The following PDE1A variants were observed in gnomAD, a reference collection of about 807,000 sequenced individuals.
PDE1A encodes phosphodiesterase 1A.
In PDE1A, 35 loss-of-function variants were observed where a neutral mutation model predicts 61.7. The observed-to-expected ratio is 0.57, with a 90% CI of 0.43 to 0.75. The LOEUF is 0.75. Among genes scored for constraint, PDE1A ranks in the 30% least tolerant of loss-of-function variants. PDE1A has a pLI of 0.00. For missense variants in PDE1A, 597 were observed against 630.6 expected, an observed-to-expected ratio of 0.95 and a Z score of 0.57; for synonymous variants, 232 against 213.2, an observed-to-expected ratio of 1.09 and a Z score of -0.77.
At chr2:182,640,740 C>T in the PDE1A span, among the ~76,000 whole-genome samples, 1 of 151,760 alleles carries the variant, frequency 6.6e-6, no homozygotes, top group Non-Finnish European at 1.5e-5. Context: ...AATATGCAGG[C>T]CGGGTGCAGT....
chr2:182,207,552 A>T (rs887074578), intron 7 of PDE1A, among the ~76,000 whole-genome samples: 1 of 152,250 alleles, frequency 6.6e-6, no homozygotes, highest in African/African-American at 2.4e-5. Flanking sequence ...ACTTATATTT[A>T]AAAGAGAAGC....
chr2:182,566,194 T>C, the PDE1A span, among the ~76,000 whole-genome samples: 8,181 of 152,190 alleles, frequency 0.054, 271 homozygotes, highest in Middle Eastern at 0.099. Flanking sequence ...GTCACAACTA[T>C]GTTCTCCCTC....
intron 1 of PDE1A, among the ~76,000 whole-genome samples, chr2:182,423,524 T>C (rs919537577): frequency 1.2e-4 from 19 of 152,190 alleles, no homozygotes; most frequent in Admixed American, 9.2e-4. Context: ...TTAGGATGAC[T>C]GTGCTGATGA....
intron 1 of PDE1A, among the ~76,000 whole-genome samples, chr2:182,385,043 T>C (rs1700948856): frequency 6.6e-6 from 1 of 152,120 alleles, no homozygotes; most frequent in Admixed American, 6.5e-5. Flanking sequence ...AGGGACAAAC[T>C]GTCAACCAAT....
At chr2:182,367,771 A>G (rs1484708488) in intron 1 of PDE1A, among the ~76,000 whole-genome samples, 1 of 152,146 alleles carries the variant, frequency 6.6e-6, no homozygotes, top group African/African-American at 2.4e-5. Flanking sequence ...GCCTTAATAT[A>G]TAATTTTTAA....
rs372726563 is a variant in PDE1A, at chr2:182,404,749, C to T, written c.53+21829G>A. 4.8e-3 allele frequency among the ~76,000 whole-genome samples: 726 copies of T among 152,266 alleles called. 6 individuals carry two copies. The highest frequency in any genetic ancestry group is 0.029 in the South Asian group (140 of 4,816). ...ATATCACTGTCTTCCTCCTCCATAT[C>T]TTGTCCCCATGGAAGTTTTTTGGGG... On this transcript the variant is annotated intron_variant, in intron 1 of 13. Transcript: ENST00000351439.
At chr2:182,387,679 C>A (rs151103255) in intron 1 of PDE1A, among the ~76,000 whole-genome samples, 625 of 151,702 alleles carry the variant, frequency 4.1e-3, no homozygotes, top group Non-Finnish European at 6.4e-3. Flanking sequence ...ATTACTTGAA[C>A]CTGGGAGGTG....
chr2:182,693,193 TAA>T, the PDE1A span, among the ~76,000 whole-genome samples: 1 of 152,170 alleles, frequency 6.6e-6, no homozygotes, highest in African/African-American at 2.4e-5. Flanking sequence ...ATAAAATCAG[TAA>T]AGAGTATAGT....
At chr2:182,610,099 A>AG in the PDE1A span, among the ~76,000 whole-genome samples, 3 of 151,742 alleles carry the variant, frequency 2.0e-5, no homozygotes, top group Admixed American at 1.3e-4. Flanking sequence ...AAAAAAAAAA[A>AG]AAAGAAAGAA....
intron 2 of PDE1A, among the ~76,000 whole-genome samples, chr2:182,435,105 A>G (rs1399719335): frequency 1.3e-5 from 2 of 152,024 alleles, no homozygotes; most frequent in African/African-American, 2.4e-5. Flanking sequence ...AGTGCTGCCC[A>G]TCAAAAAACT....
chr2:182,694,682 T>C, the PDE1A span, among the ~76,000 whole-genome samples: 3 of 152,182 alleles, frequency 2.0e-5, no homozygotes, highest in Non-Finnish European at 2.9e-5. Flanking sequence ...CATGTTCATA[T>C]GCTAAAAACC....
chr2:182,218,168 A>C (rs1347081762), intron 7 of PDE1A, among the ~76,000 whole-genome samples: 1 of 150,124 alleles, frequency 6.7e-6, no homozygotes, highest in Non-Finnish European at 1.5e-5. Context: ...CTATCCCAAG[A>C]ACAAAAAACC....
chr2:182,376,791 G>T (rs940271276), intron 1 of PDE1A, among the ~76,000 whole-genome samples: 8 of 152,132 alleles, frequency 5.3e-5, no homozygotes, highest in Non-Finnish European at 1.2e-4. Flanking sequence ...GTTCCATGTG[G>T]CTGGGGAAGC....
chr2:182,223,800 G>T, intron 7 of PDE1A, 64 bp downstream of exon 7: 2 of 883,660 alleles, frequency 2.3e-6, no homozygotes, highest in Non-Finnish European at 3.5e-6. Flanking sequence ...ATCCTCTTAA[G>T]TGATATGCAG....
At chr2:182,376,504 C>T (rs1700411642) in intron 1 of PDE1A, among the ~76,000 whole-genome samples, 1 of 152,170 alleles carries the variant, frequency 6.6e-6, no homozygotes, top group African/African-American at 2.4e-5. Flanking sequence ...TTTCATTGTC[C>T]ATATTATTAT....
intron 13 of PDE1A, among the ~76,000 whole-genome samples, chr2:182,174,845 T>A (rs772217975): frequency 9.9e-5 from 15 of 152,238 alleles, no homozygotes; most frequent in African/African-American, 3.1e-4. Flanking sequence ...GCTGCACCCA[T>A]CAACCCGTCA....
At chr2:182,188,476 T>C (rs1685427002) in intron 11 of PDE1A, among the ~76,000 whole-genome samples, 1 of 152,224 alleles carries the variant, frequency 6.6e-6, no homozygotes, top group Non-Finnish European at 1.5e-5. Flanking sequence ...CAAATACAGA[T>C]GATAAGAATG....
intron 7 of PDE1A, among the ~76,000 whole-genome samples, chr2:182,221,069 C>T (rs533181387): frequency 2.0e-5 from 3 of 151,900 alleles, no homozygotes; most frequent in East Asian, 1.9e-4. Context: ...TTCTCTGCCC[C>T]CATCTACCCC....
chr2:182,294,139 T>G (rs1694720266), intron 1 of PDE1A, among the ~76,000 whole-genome samples: 1 of 152,224 alleles, frequency 6.6e-6, no homozygotes, highest in African/African-American at 2.4e-5. Context: ...AACTACGAAT[T>G]GTTTATTTCT....
Sources: gnomAD v4.1 joint callset for allele counts (sites outside exome capture counted in the v4.1 genomes callset) on GRCh38, gnomAD v4.1.1 for gene constraint, MANE v1.5 for transcripts, NCBI Gene and HGNC (gene_info 2026-07-23, HGNC 2026-07-21) for gene names.